AMTN: variants seen among roughly 807,000 people sequenced by gnomAD.
AMTN encodes amelotin, also known as RSTI689.
In AMTN, 29 loss-of-function variants were observed where a neutral mutation model predicts 27.4. The observed-to-expected ratio is 1.06, with a 90% CI of 0.79 to 1.44. The LOEUF is 1.44. Among genes scored for constraint, AMTN ranks in the 40% most tolerant of loss-of-function variants. The pLI is 0.00. For missense variants in AMTN, 247 were observed against 248.8 expected, an observed-to-expected ratio of 0.99 and a Z score of 0.05; for synonymous variants, 86 against 95.7, an observed-to-expected ratio of 0.90 and a Z score of 0.59.
chr4:70,531,189 G>A lies in AMTN; in HGVS notation c.508G>A (p.Gly170Ser), dbSNP rs1241193002. 1.2e-6 allele frequency: 2 copies of A among 1,613,964 alleles called. No individual in the cohort carries two copies. Among genetic ancestry groups the A allele is most frequent in the South Asian group, 1.1e-5 (1 of 91,072 alleles). The change falls in exon 8 of 9, where the codon GGC (glycine) becomes AGC (serine). Residue 170 changes from glycine to serine, a missense_variant. Coordinates refer to ENST00000339336, the MANE Select transcript of AMTN (RefSeq NM_212557.4). ...VNPATQGTPA[G>S]RLPTPSGTDD... ...TCCTGCCACCCAGGGAACCCCAGCAGGCCGCCTCCCAACTCCCAGTGGCAC... is the reference window on the plus strand; with the variant it reads ...TCCTGCCACCCAGGGAACCCCAGCAAGCCGCCTCCCAACTCCCAGTGGCAC...
intron 5 of AMTN, among the ~76,000 whole-genome samples, chr4:70,528,214 G>T (rs942348160): frequency 2.3e-5 from 2 of 85,358 alleles, no homozygotes; most frequent in African/African-American, 1.1e-4. Context: ...TCTTGAACTG[G>T]TTTCTAAATC....
In AMTN at chr4:70,522,765, C is replaced by G; in HGVS notation, c.65C>G (p.Pro22Arg). The change falls in exon 3 of 9, where the codon CCT becomes CGT. Residue 22 changes from proline to arginine, a missense_variant. Transcript: ENST00000339336. ...GSTRSLPQLK[P>R]ALGLPPTKLA... Reference sequence around the variant, plus strand: ...TTGTTTTCACAAAAGCAGCTCAAACCTGCTTTGGGACTCCCTCCCACAAAA... The same window carrying G: ...TTGTTTTCACAAAAGCAGCTCAAACGTGCTTTGGGACTCCCTCCCACAAAA... 2 of 1,614,026 alleles carry G rather than the reference C, an allele frequency of 1.2e-6. No individual in the cohort carries two copies. Among genetic ancestry groups the G allele is most frequent in the Non-Finnish European group, 8.5e-7 (1 of 1,179,908 alleles).
intron 3 of AMTN, 86 bp downstream of exon 3, chr4:70,522,924 C>T (rs563726713): frequency 7.5e-7 from 1 of 1,334,422 alleles, no homozygotes; most frequent in South Asian, 1.2e-5. Context: ...CACGTTAAGA[C>T]TGGTAGGTTT....
At chr4:70,527,661 C>T (rs1736128275) in intron 5 of AMTN, among the ~76,000 whole-genome samples, 1 of 152,118 alleles carries the variant, frequency 6.6e-6, no homozygotes. Context: ...TTCAAATCTT[C>T]TGGTTTGGTA....
Position 70,522,701 on chromosome 4 carries a change from C to T in AMTN, c.55-54C>T, listed in dbSNP as rs1736005579. On this transcript the variant is annotated intron_variant, in intron 2 of 8. Transcript: ENST00000339336. ...GTGGCAACCTGGATATAAATGGACA[C>T]AAAATCTTAAACACATTCCTGCCTC... 3 of 1,569,430 alleles carry T rather than the reference C, an allele frequency of 1.9e-6. No individual in the cohort carries two copies. In the Admixed American group the frequency reaches 5.0e-5, roughly 26 times the overall value.
At chr4:70,528,650 CA>C in intron 5 of AMTN, 72 bp from the exon 6 acceptor site, 13 of 1,383,272 alleles carry the variant, frequency 9.4e-6, no homozygotes, top group South Asian at 2.4e-5. Flanking sequence ...ACTCCATCTC[CA>C]AAAAAAGATA....
rs1736058800 is a variant in AMTN, at chr4:70,524,743, T to TAGA, written c.205-127_205-125dup. 10 of 834,672 alleles carry TAGA rather than the reference T, an allele frequency of 1.2e-5. No individual in the cohort carries two copies. The South Asian group carries it at 1.5e-4, about 13-fold the overall frequency. 51.7% of individuals were successfully genotyped at this position (834,672 alleles called of 1,614,324 possible). On this transcript the variant is annotated intron_variant, in intron 4 of 8. Transcript: ENST00000339336. ...TCTTTGTGTCTAAGTATACATGCAA[T>TAGA]AGAACACTATGTATTTACATAGCAA...
intron 2 of AMTN, among the ~76,000 whole-genome samples, chr4:70,519,117 G>A (rs1735888534): frequency 6.6e-6 from 1 of 152,206 alleles, no homozygotes; most frequent in South Asian, 2.1e-4. Context: ...AATGTGTTAA[G>A]TGGATGATTA....
At chr4:70,526,826 C>G (rs933454810) in intron 5 of AMTN, among the ~76,000 whole-genome samples, 1 of 152,068 alleles carries the variant, frequency 6.6e-6, no homozygotes, top group Non-Finnish European at 1.5e-5. Flanking sequence ...AAATCAGTCC[C>G]CATTTGCTGT....
intron 1 of AMTN, 25 bp downstream of exon 1, chr4:70,518,679 A>G: frequency 1.0e-6 from 1 of 955,908 alleles, no homozygotes. Flanking sequence ...CCATGTTTCA[A>G]GTAGAACTTT....
At chr4:70,525,052 A>G in intron 5 of AMTN, 91 bp downstream of exon 5, 1 of 1,227,438 alleles carries the variant, frequency 8.1e-7, no homozygotes, top group Non-Finnish European at 1.2e-6. Flanking sequence ...AAGCTTCTTG[A>G]AAATTTTGCC....
chr4:70,521,427 G>C (rs181719307), intron 2 of AMTN, among the ~76,000 whole-genome samples: 29 of 143,046 alleles, frequency 2.0e-4, no homozygotes, highest in African/African-American at 6.9e-4. Context: ...AAAAAAATTG[G>C]TAGTCATTGC....
intron 2 of AMTN, among the ~76,000 whole-genome samples, chr4:70,521,640 CTTTTTTTTTTTTTTTTTTTT>C (rs763143860): frequency 2.6e-5 from 2 of 76,468 alleles, no homozygotes; most frequent in African/African-American, 1.2e-4. Context: ...ACCAACCTCT[CTTTTTTTTTTTTTTTTTTTT>C]TTTTTTTTTT....
At chr4:70,529,237 A>G (rs1427330383) in intron 7 of AMTN, 27 bp downstream of exon 7, 1 of 1,491,278 alleles carries the variant, frequency 6.7e-7, no homozygotes, top group Admixed American at 2.3e-5. Flanking sequence ...TACTATTTCA[A>G]ATTATTTTCA....
intron 2 of AMTN, among the ~76,000 whole-genome samples, chr4:70,520,104 A>G (rs1419496999): frequency 6.6e-6 from 1 of 152,242 alleles, no homozygotes; most frequent in Admixed American, 6.5e-5. Context: ...AAATTACCAC[A>G]TAATTGGTGA....
At chr4:70,531,615 C>T (rs554098110) in intron 8 of AMTN, among the ~76,000 whole-genome samples, 10 of 152,182 alleles carry the variant, frequency 6.6e-5, no homozygotes, top group South Asian at 2.1e-4. Context: ...TAGGTTCAAG[C>T]GATTCTCATG....
chr4:70,531,883 T>C (rs552586070), intron 8 of AMTN, among the ~76,000 whole-genome samples: 49 of 152,360 alleles, frequency 3.2e-4, no homozygotes, highest in Admixed American at 5.2e-4. Flanking sequence ...CTAGAACTCC[T>C]GGCCTCAAGC....
intron 3 of AMTN, among the ~76,000 whole-genome samples, 180 bp from the exon 4 acceptor site, chr4:70,523,688 C>T (rs1736027902): frequency 6.6e-6 from 1 of 152,180 alleles, no homozygotes; most frequent in Admixed American, 6.5e-5. Context: ...ATTGCTAGGG[C>T]ACCTCCCAGG....
chr4:70,524,907 G>C lies in AMTN; in HGVS notation c.240G>C (p.Gln80His). 1.2e-6 allele frequency: 2 copies of C among 1,614,024 alleles called. No individual in the cohort carries two copies. Among genetic ancestry groups the C allele is most frequent in the East Asian group, 2.2e-5 (1 of 44,856 alleles). The change falls in exon 5 of 9, where the codon CAG becomes CAC. Residue 80 changes from glutamine to histidine, a missense_variant. Physicochemically the swap from Gln to His is conservative, Grantham distance 24 (BLOSUM62 0). Coordinates refer to ENST00000339336, the MANE Select transcript of AMTN (RefSeq NM_212557.4). ...NPAAGMTPGT[Q>H]THPLTLGGLN... ...CTGCAGGAATGACACCTGGTACCCA[G>C]ACCCACCCATTGACCCTGGGAGGGT...
Sources: allele counts gnomAD v4.1 joint callset (sites outside exome capture counted in the v4.1 genomes callset), GRCh38; gene constraint gnomAD v4.1.1; transcripts MANE v1.5; gene names NCBI Gene and HGNC (gene_info 2026-07-23, HGNC 2026-07-21).